FNBP1: variants seen among roughly 807,000 people sequenced by gnomAD.
FNBP1 encodes the protein formin-binding protein 1.
A neutral mutation model predicts 90.6 loss-of-function variants in FNBP1; 26 were observed. The observed-to-expected ratio is 0.29, with a 90% CI of 0.21 to 0.40. The LOEUF (loss-of-function observed/expected upper bound fraction) is 0.40. Among genes scored for constraint, FNBP1 ranks in the 10% least tolerant of loss-of-function variants. The pLI, the probability that FNBP1 is intolerant of heterozygous loss-of-function variation, is 1.00. For synonymous variants in FNBP1, 260 were observed against 265.2 expected (o/e 0.98, Z 0.19); for missense variants, 635 against 768.0 (o/e 0.83, Z 2.05).
chr9:130,015,904 G>A (rs1028319636), intron 1 of FNBP1, among the ~76,000 whole-genome samples: 1 of 152,020 alleles, frequency 6.6e-6, no homozygotes, highest in African/African-American at 2.4e-5. Context: ...TGAACTCCTG[G>A]GCTCAAGCAA....
intron 10 of FNBP1, among the ~76,000 whole-genome samples, chr9:129,918,587 G>A (rs1432179709): frequency 2.0e-5 from 3 of 152,140 alleles, no homozygotes; most frequent in Non-Finnish European, 4.4e-5. Context: ...TATATATAGA[G>A]AGAAGCAAAA....
intron 4 of FNBP1, among the ~76,000 whole-genome samples, chr9:129,977,592 A>G (rs1346585719): frequency 6.6e-6 from 1 of 151,872 alleles, no homozygotes; most frequent in African/African-American, 2.4e-5. Flanking sequence ...CCTGGGTTCA[A>G]GCAATTCTCG....
intron 12 of FNBP1, among the ~76,000 whole-genome samples, chr9:129,905,762 A>G (rs1054035298): frequency 6.6e-6 from 1 of 152,186 alleles, no homozygotes; most frequent in Non-Finnish European, 1.5e-5. Context: ...GCGTGGCTTT[A>G]AGGACATCCC....
chr9:130,005,129 A>G (rs1267859615), intron 1 of FNBP1, among the ~76,000 whole-genome samples: 2 of 147,994 alleles, frequency 1.4e-5, no homozygotes, highest in Non-Finnish European at 3.0e-5. Context: ...CCAGCTACTC[A>G]GGAGGCTGAG....
chr9:130,051,428 A>G, the FNBP1 span, among the ~76,000 whole-genome samples: 1 of 152,234 alleles, frequency 6.6e-6, no homozygotes, highest in Non-Finnish European at 1.5e-5. Flanking sequence ...AGTTCTGAAA[A>G]TGTCCAAACC....
intron 15 of FNBP1, 106 bp downstream of exon 15, chr9:129,899,859 G>A: frequency 2.9e-6 from 3 of 1,027,264 alleles, no homozygotes; most frequent in Non-Finnish European, 4.1e-6. Context: ...AAGGACAAAG[G>A]AATAAAAATG....
At position 129,895,544 on chromosome 9, in the gene FNBP1, G is replaced by A. The variant is rs879228595; in HGVS notation, c.1846+294C>T. On this transcript the variant is annotated intron_variant, in intron 16 of 16. Transcript: ENST00000446176. ...ACTTTTTTTTTAATCTACAGATACC[G>A]CCAAAAGAAGAAATGTTTATCAGAT... 14 of 1,224,658 alleles carry A rather than the reference G, an allele frequency of 1.1e-5. No individual in the cohort carries two copies. In the Admixed American group the frequency reaches 2.1e-4, roughly 18 times the overall value. 75.9% of individuals were successfully genotyped at this position (1,224,658 alleles called of 1,614,324 possible).
rs555517152 is a variant in FNBP1, at chr9:130,041,528, C to G, written c.24+1424G>C. On this transcript the variant is annotated intron_variant, in intron 1 of 16. Coordinates refer to ENST00000446176, the MANE Select transcript of FNBP1 (RefSeq NM_015033.3). This position sits in a 1 kb window ranked among gnomAD's most constrained non-coding sequence, Gnocchi z 4.3. ...TTAGAAGAGGAAAGAAACTTCAATACGGTACTCAAAGTCATAGATTTTGCC... is the reference window on the plus strand; with the variant it reads ...TTAGAAGAGGAAAGAAACTTCAATAGGGTACTCAAAGTCATAGATTTTGCC... Among the ~76,000 whole-genome samples, 1 of 152,150 alleles carries G rather than the reference C, an allele frequency of 6.6e-6. No homozygotes were observed. The highest frequency in any genetic ancestry group is 1.5e-5 in the Non-Finnish European group (1 of 68,024).
chr9:129,895,194 T>C, intron 16 of FNBP1: 2 of 918,352 alleles, frequency 2.2e-6, no homozygotes, highest in African/African-American at 1.7e-5. Flanking sequence ...TGGGATCATG[T>C]AGATGGAACA....
At chr9:129,935,875 G>A (rs969772397) in intron 6 of FNBP1, among the ~76,000 whole-genome samples, 9 of 152,162 alleles carry the variant, frequency 5.9e-5, no homozygotes, top group Admixed American at 3.3e-4. Context: ...TACATTGATC[G>A]AATGAATAAA....
intron 16 of FNBP1, among the ~76,000 whole-genome samples, chr9:129,892,214 T>TAC (rs1156615400): frequency 6.6e-6 from 1 of 152,100 alleles, no homozygotes; most frequent in Non-Finnish European, 1.5e-5. Context: ...TTGCAGTATA[T>TAC]ACACACGTAT....
At chr9:129,971,807 C>T (rs541059588) in intron 4 of FNBP1, among the ~76,000 whole-genome samples, 16 of 152,218 alleles carry the variant, frequency 1.1e-4, no homozygotes, top group Admixed American at 6.5e-4. Context: ...TTTTTCATCA[C>T]GCTTACCCTT....
At chr9:129,994,813 A>G in intron 2 of FNBP1, 30 bp downstream of exon 2, 3 of 1,019,534 alleles carry the variant, frequency 2.9e-6, no homozygotes, top group Non-Finnish European at 4.6e-6. Flanking sequence ...TTTTGCAGTT[A>G]ACAAATAACC....
In FNBP1 at chr9:130,008,916, T is replaced by G. The variant is rs1214582789; in HGVS notation, c.25-13958A>C. On this transcript the variant is annotated intron_variant, in intron 1 of 16. Coordinates refer to ENST00000446176, the MANE Select transcript of FNBP1 (RefSeq NM_015033.3). ...CCAGGAAAGGAAGAAAAGAGGGTGA[T>G]AGAGAGAGAAAGAAATCTCACTCTA... Among the ~76,000 whole-genome samples, 3 of 152,114 alleles carry G rather than the reference T, an allele frequency of 2.0e-5. No homozygotes were observed. In the East Asian group the frequency reaches 5.8e-4, roughly 29 times the overall value.
At chr9:130,043,718 G>A (rs955693762), upstream of FNBP1, among the ~76,000 whole-genome samples, 2 of 152,222 alleles carry the variant, frequency 1.3e-5, no homozygotes, top group Non-Finnish European at 2.9e-5. Context: ...CAAGCGCGAC[G>A]GCCTCGAGTG....
Position 129,891,415 on chromosome 9 carries a change from G to A in FNBP1, c.1847-869C>T, listed in dbSNP as rs553757196. Among the ~76,000 whole-genome samples the A allele has an allele frequency of 1.3e-3, 196 of 152,212 alleles. 1 individual carries two copies. Among genetic ancestry groups the A allele is most frequent in the South Asian group, 3.3e-3 (16 of 4,828 alleles). ...GGGAGGTCGAGGCTGCAGCGAGCCAGGATCACACCACTGCACTTCAGCTTG... is the reference window on the plus strand; with the variant it reads ...GGGAGGTCGAGGCTGCAGCGAGCCAAGATCACACCACTGCACTTCAGCTTG... On this transcript the variant is annotated intron_variant, in intron 16 of 16. Coordinates refer to ENST00000446176, the MANE Select transcript of FNBP1 (RefSeq NM_015033.3).
At chr9:130,001,671 CA>C (rs2054872089) in intron 1 of FNBP1, among the ~76,000 whole-genome samples, 4 of 151,660 alleles carry the variant, frequency 2.6e-5, no homozygotes, top group African/African-American at 9.7e-5. Flanking sequence ...CACCTGAGGT[CA>C]GGAGTTCGAG....
intron 6 of FNBP1, among the ~76,000 whole-genome samples, chr9:129,955,504 G>T (rs186960655): frequency 6.6e-6 from 1 of 151,400 alleles, no homozygotes; most frequent in Non-Finnish European, 1.5e-5. Flanking sequence ...CCAAAGTGCT[G>T]GGATTATAGG....
Position 129,973,162 on chromosome 9 carries a change from G to A in FNBP1, c.345+5303C>T, listed in dbSNP as rs113311856. On this transcript the variant is annotated intron_variant, in intron 4 of 16. Coordinates refer to ENST00000446176, the MANE Select transcript of FNBP1 (RefSeq NM_015033.3). The stretch of plus-strand genomic sequence containing the variant: ...ACCAAGCAGGGGGCTCCAGCTCTGT[G>A]AACACAGAACTTATGTGGCCTCTCC... 6.0e-3 allele frequency among the ~76,000 whole-genome samples: 915 copies of A among 152,260 alleles called. 6 individuals are homozygous for A. The highest frequency in any genetic ancestry group is 0.017 in the Middle Eastern group (5 of 294).
Sources: allele counts gnomAD v4.1 joint callset (sites outside exome capture counted in the v4.1 genomes callset), GRCh38; gene constraint gnomAD v4.1.1; non-coding constraint Gnocchi (gnomAD v3.1); transcripts MANE v1.5; gene names NCBI Gene and HGNC (gene_info 2026-07-23, HGNC 2026-07-21).